Variants in COL5A2 observed in about 807,000 individuals in gnomAD.
COL5A2 encodes collagen alpha-2(V) chain.
COL5A2 carries 23 observed loss-of-function variants against 208.2 expected under a neutral mutation model. The observed-to-expected ratio is 0.11, with a 90% CI of 0.08 to 0.16. COL5A2 has a LOEUF of 0.16. Among genes scored for constraint, COL5A2 ranks in the 10% least tolerant of loss-of-function variants. The probability of loss-of-function intolerance (pLI) is 1.00; values close to 1 mark genes in which losing one functional copy is unlikely to be tolerated. For missense variants in COL5A2, 1,590 were observed against 1,956.4 expected (o/e 0.81, Z 3.53); for synonymous variants, 625 against 628.5 (o/e 0.99, Z 0.08).
the COL5A2 span, among the ~76,000 whole-genome samples, chr2:189,231,852 T>C: frequency 6.6e-6 from 1 of 151,732 alleles, no homozygotes; most frequent in East Asian, 1.9e-4. Context: ...GATTTTGCTG[T>C]CTCAGGAGAA....
At chr2:189,059,571 T>A (rs1685977004) in intron 31 of COL5A2, among the ~76,000 whole-genome samples, 2 of 147,662 alleles carry the variant, frequency 1.4e-5, no homozygotes, top group Non-Finnish European at 3.0e-5. Flanking sequence ...AAAACCCTTC[T>A]TTTTTCTTTT....
chr2:189,330,638 T>A, the COL5A2 span, among the ~76,000 whole-genome samples: 14 of 152,164 alleles, frequency 9.2e-5, no homozygotes, highest in Non-Finnish European at 1.6e-4. Flanking sequence ...AACATAGTGA[T>A]GTCCAGAGTC....
At chr2:189,101,127 T>A (rs1037929969) in intron 3 of COL5A2, among the ~76,000 whole-genome samples, 2 of 152,056 alleles carry the variant, frequency 1.3e-5, no homozygotes, top group African/African-American at 4.8e-5. Flanking sequence ...TTACTTTCCA[T>A]TAATATATTA....
upstream of COL5A2, among the ~76,000 whole-genome samples, chr2:189,184,460 A>C (rs1445512498): frequency 6.6e-6 from 1 of 152,208 alleles, no homozygotes; most frequent in East Asian, 1.9e-4. Context: ...TCGTTGAGAT[A>C]AAATCAAACT....
intron 46 of COL5A2, 61 bp from the exon 47 acceptor site, chr2:189,045,293 G>A: frequency 9.3e-7 from 1 of 1,073,302 alleles, no homozygotes; most frequent in Admixed American, 1.9e-5. Context: ...ATATTACATA[G>A]ATACAGGATG....
chr2:189,135,054 T>A (rs193005804), intron 1 of COL5A2, among the ~76,000 whole-genome samples: 1 of 152,210 alleles, frequency 6.6e-6, no homozygotes, highest in Non-Finnish European at 1.5e-5. Context: ...ACATATAACA[T>A]ATGTAATAAA....
chr2:189,398,633 T>C, the COL5A2 span, among the ~76,000 whole-genome samples: 1 of 152,166 alleles, frequency 6.6e-6, no homozygotes, highest in African/African-American at 2.4e-5. Context: ...TCAATCCTTT[T>C]TCATTCGACC....
the COL5A2 span, among the ~76,000 whole-genome samples, chr2:189,361,506 GGTGAA>G: frequency 6.6e-6 from 1 of 150,410 alleles, no homozygotes; most frequent in African/African-American, 2.4e-5. Flanking sequence ...TGTCTTCATA[GGTGAA>G]GTGATCTTGT....
chr2:189,311,861 T>G, the COL5A2 span: 1 of 1,297,330 alleles, frequency 7.7e-7, no homozygotes, highest in South Asian at 1.2e-5. Flanking sequence ...GCTGGCAATC[T>G]GGGCTTGTAG....
At chr2:189,125,330 A>G (rs530824866) in intron 1 of COL5A2, among the ~76,000 whole-genome samples, 3 of 152,338 alleles carry the variant, frequency 2.0e-5, no homozygotes, top group Non-Finnish European at 4.4e-5. Flanking sequence ...GCATTTACCA[A>G]TGACTTCCCT....
At chr2:189,145,084 C>T (rs1243890856) in intron 1 of COL5A2, among the ~76,000 whole-genome samples, 1 of 152,070 alleles carries the variant, frequency 6.6e-6, no homozygotes, top group African/African-American at 2.4e-5. Context: ...TTTCTTAATT[C>T]CTATATGTAT....
At chr2:189,056,930 T>C (rs772468551) in intron 35 of COL5A2, 43 bp downstream of exon 35, 54 of 1,583,974 alleles carry the variant, frequency 3.4e-5, no homozygotes, top group Non-Finnish European at 2.7e-5. Context: ...GATACTGTAA[T>C]GTTGGTTCCT....
chr2:189,147,197 T>C (rs1688056124), intron 1 of COL5A2, among the ~76,000 whole-genome samples: 1 of 152,174 alleles, frequency 6.6e-6, no homozygotes, highest in South Asian at 2.1e-4. Flanking sequence ...CTGGATCAAA[T>C]TGCCAAAAAT....
intron 33 of COL5A2, among the ~76,000 whole-genome samples, chr2:189,058,128 T>C (rs1299682876): frequency 2.6e-5 from 4 of 152,212 alleles, no homozygotes; most frequent in Admixed American, 6.5e-5. Context: ...CTTTCCTCTG[T>C]TTATTCATAG....
the COL5A2 span, among the ~76,000 whole-genome samples, chr2:189,398,386 ATTG>A: frequency 6.6e-6 from 1 of 152,076 alleles, no homozygotes; most frequent in African/African-American, 2.4e-5. Flanking sequence ...TTCCACTTTA[ATTG>A]TTGTTTTGTC....
At chr2:189,197,242 T>G (rs1689014072) in intron 1 of COL5A2, among the ~76,000 whole-genome samples, 1 of 151,812 alleles carries the variant, frequency 6.6e-6, no homozygotes. Context: ...TGAGAACACA[T>G]GGACACAGGG....
intron 2 of COL5A2, among the ~76,000 whole-genome samples, chr2:189,109,558 C>T (rs1336291224): frequency 6.6e-6 from 1 of 152,052 alleles, no homozygotes; most frequent in East Asian, 1.9e-4. Flanking sequence ...ATTGCTCTTA[C>T]CTTGTTTATT....
intron 4 of COL5A2, 73 bp downstream of exon 4, chr2:189,100,034 C>T: frequency 8.1e-7 from 1 of 1,239,672 alleles, no homozygotes. Flanking sequence ...TGTACATAAG[C>T]AATAATATAC....
At chr2:189,301,271 T>G in the COL5A2 span, among the ~76,000 whole-genome samples, 1 of 152,104 alleles carries the variant, frequency 6.6e-6, no homozygotes, top group African/African-American at 2.4e-5. Flanking sequence ...TAAATACAAA[T>G]GTAATACTGT....
Sources: allele counts gnomAD v4.1 joint callset (sites outside exome capture counted in the v4.1 genomes callset), GRCh38; gene constraint gnomAD v4.1.1; transcripts MANE v1.5; gene names NCBI Gene and HGNC (gene_info 2026-07-23, HGNC 2026-07-21).